Variants in PTPRN2 observed in about 807,000 individuals in gnomAD.
PTPRN2 encodes the protein receptor-type tyrosine-protein phosphatase N2.
PTPRN2 carries 74 observed loss-of-function variants against 118.8 expected under a neutral mutation model. The ratio of observed to expected loss-of-function variants is 0.62; its 90% CI spans 0.52 to 0.76. The LOEUF is 0.76. PTPRN2 is among the 30% of genes least tolerant of loss of function. The probability of loss-of-function intolerance (pLI) is 0.00; values close to 1 mark genes in which losing one functional copy is unlikely to be tolerated. For missense variants in PTPRN2, 1,481 were observed against 1,394.4 expected, an observed-to-expected ratio of 1.06 and a Z score of -0.99; for synonymous variants, 641 against 608.0, an observed-to-expected ratio of 1.05 and a Z score of -0.80.
chr7:157,553,960 TACGGCCAGGCCGGGCGCCGG>T (rs1179931035), intron 21 of PTPRN2, among the ~76,000 whole-genome samples: 14 of 150,836 alleles, frequency 9.3e-5, no homozygotes, highest in African/African-American at 2.9e-4. Context: ...TGAGCATGGG[TACGGCCAGGCCGGGCGCCGG>T]ATCCTGCCCG....
intron 1 of PTPRN2, among the ~76,000 whole-genome samples, chr7:158,510,877 CAT>C (rs1345004309): frequency 6.6e-6 from 1 of 152,232 alleles, no homozygotes; most frequent in Non-Finnish European, 1.5e-5. Flanking sequence ...TGGGAAACGA[CAT>C]GTGTCGAGTT....
rs1163780587 is a variant in PTPRN2, at chr7:158,517,208, C to T, written c.113-27423G>A. 1.3e-5 allele frequency among the ~76,000 whole-genome samples: 2 copies of T among 152,218 alleles called. No individual in the cohort carries two copies. Among genetic ancestry groups the T allele is most frequent in the African/African-American group, 4.8e-5 (2 of 41,458 alleles). On this transcript the variant is annotated intron_variant, in intron 1 of 22. Coordinates refer to ENST00000389418, the MANE Select transcript of PTPRN2 (RefSeq NM_002847.5). This position sits in a 1 kb window ranked among gnomAD's most constrained non-coding sequence, Gnocchi z 5.3. ...GGGTGGCATTGACCCCCATTCCTGT[C>T]CCACAGTTGAGGGCTGCCCCACAGG...
rs77505544 is a variant in PTPRN2, at chr7:157,755,957, G to C, written c.1789-73020C>G. Among the ~76,000 whole-genome samples, 1,497 of 152,352 alleles carry C rather than the reference G, an allele frequency of 9.8e-3. 20 individuals are homozygous for C. Among genetic ancestry groups the C allele is most frequent in the African/African-American group, 0.035 (1,435 of 41,588 alleles). ...TTCCCACGGCAGCGTCCAGCACCCA[G>C]GTTCCCAGCCAGGGCTGGGCGGGGC... is the stretch of plus-strand genomic sequence containing the variant. On this transcript the variant is annotated intron_variant, in intron 12 of 22. Coordinates refer to ENST00000389418, the MANE Select transcript of PTPRN2 (RefSeq NM_002847.5).
At chr7:158,188,576 G>C (rs1312911640) in intron 5 of PTPRN2, among the ~76,000 whole-genome samples, 6 of 114,256 alleles carry the variant, frequency 5.3e-5, no homozygotes, top group South Asian at 3.1e-4. Context: ...TATGGGGAAG[G>C]CCGCCACGCT....
At chr7:157,613,122 C>T (rs1476016409) in intron 15 of PTPRN2, among the ~76,000 whole-genome samples, 2 of 152,144 alleles carry the variant, frequency 1.3e-5, no homozygotes, top group South Asian at 2.1e-4. Context: ...GGCCCGGCCC[C>T]GTCTCCAGTC....
chr7:157,828,051 C>A (rs1807303959), intron 12 of PTPRN2, among the ~76,000 whole-genome samples: 1 of 152,188 alleles, frequency 6.6e-6, no homozygotes, highest in Admixed American at 6.5e-5. Flanking sequence ...GCCTTCACGG[C>A]CACGGAAGTA....
intron 10 of PTPRN2, among the ~76,000 whole-genome samples, chr7:158,105,509 G>C (rs903565725): frequency 6.7e-6 from 1 of 150,364 alleles, no homozygotes; most frequent in Non-Finnish European, 1.5e-5. Context: ...AGCTACAGCA[G>C]ATTCCATCCC....
intron 12 of PTPRN2, among the ~76,000 whole-genome samples, chr7:157,843,143 T>G (rs1294461824): frequency 6.6e-6 from 1 of 152,176 alleles, no homozygotes; most frequent in East Asian, 1.9e-4. Context: ...TTAAACTCTC[T>G]CTGTTTATTG....
chr7:157,549,453 T>C (rs1798486379), intron 21 of PTPRN2, among the ~76,000 whole-genome samples: 1 of 152,124 alleles, frequency 6.6e-6, no homozygotes, highest in South Asian at 2.1e-4. Flanking sequence ...TTTAGATTAA[T>C]GGACTCAACC....
rs193000715 is a variant in PTPRN2, at chr7:157,733,856, C to T, written c.1789-50919G>A. On this transcript the variant is annotated intron_variant, in intron 12 of 22. Transcript: ENST00000389418. ...AGCACAGTTACTCTTCCGTCCCATG[C>T]GCCCAGCACAGTTACTCTTTTCCGT... is the stretch of plus-strand genomic sequence containing the variant. 1.9e-4 allele frequency among the ~76,000 whole-genome samples: 9 copies of T among 46,632 alleles called. 2 individuals are homozygous for T. The highest frequency in any genetic ancestry group is 3.5e-4 in the Non-Finnish European group (8 of 23,048). 30.6% of individuals were successfully genotyped at this position (46,632 alleles called of 152,430 possible). A position where few individuals can be genotyped will look rare whatever the true frequency, so the allele number is the denominator to read the frequency against.
At position 157,780,879 on chromosome 7, in the gene PTPRN2, GTC is replaced by G. The variant is rs1030716311; in HGVS notation, c.1789-97944_1789-97943del. ...AGGACAGAATACTCACTAACCAAAG[GTC>G]GGTTTCACTTCTCTCCTCAGTGCAC... is the stretch of plus-strand genomic sequence containing the variant. On this transcript the variant is annotated intron_variant, in intron 12 of 22. Transcript: ENST00000389418. This position sits in a 1 kb window ranked among gnomAD's most constrained non-coding sequence, Gnocchi z 4.5. Among the ~76,000 whole-genome samples the G allele has an allele frequency of 5.9e-5, 9 of 152,150 alleles. No individual in the cohort carries two copies. Among genetic ancestry groups the G allele is most frequent in the African/African-American group, 2.2e-4 (9 of 41,442 alleles).
At chr7:158,103,718 C>A (rs1246255557) in intron 10 of PTPRN2, among the ~76,000 whole-genome samples, 1 of 152,188 alleles carries the variant, frequency 6.6e-6, no homozygotes, top group Admixed American at 6.5e-5. Context: ...TCAGTGCAGG[C>A]CCCCACTTGA....
intron 12 of PTPRN2, among the ~76,000 whole-genome samples, chr7:157,795,676 A>C (rs141567892): frequency 6.6e-6 from 1 of 152,356 alleles, no homozygotes; most frequent in East Asian, 1.9e-4. Flanking sequence ...CCAACCAAGG[A>C]ACTTCCGCCA....
At chr7:158,178,375 A>G (rs1824401624) in intron 5 of PTPRN2, among the ~76,000 whole-genome samples, 2 of 151,972 alleles carry the variant, frequency 1.3e-5, no homozygotes, top group Admixed American at 1.3e-4. Flanking sequence ...CTGAGTCTCC[A>G]AAGTCCATTA....
chr7:157,617,475 G>A lies in PTPRN2; in HGVS notation c.2344+3887C>T, dbSNP rs1802861967. 6.7e-6 allele frequency: 1 copy of A among 149,250 alleles called. No individual in the cohort carries two copies. Among genetic ancestry groups the A allele is most frequent in the Non-Finnish European group, 1.5e-5 (1 of 67,598 alleles). The allele number at this position is 149,250 out of a possible 1,614,324, so 9.2% of individuals were successfully genotyped here. A position where few individuals can be genotyped will look rare whatever the true frequency, so the allele number is the denominator to read the frequency against. On this transcript the variant is annotated intron_variant, in intron 15 of 22. Transcript: ENST00000389418. The surrounding 1 kb of genome is among the most constrained non-coding windows in gnomAD (Gnocchi z 7.5). ...CAGAGCACGGGCGACGCTGGCTCAC[G>A]ATGCCCCAGTGATGCTGTGGTTAGG...
chr7:158,299,336 TG>T (rs1800714450), intron 3 of PTPRN2, among the ~76,000 whole-genome samples: 1 of 151,736 alleles, frequency 6.6e-6, no homozygotes, highest in Admixed American at 6.6e-5. Flanking sequence ...CTCACTCTGT[TG>T]CCCAGGCTGG....
chr7:158,506,186 G>A (rs78059227), intron 1 of PTPRN2, among the ~76,000 whole-genome samples: 12 of 152,322 alleles, frequency 7.9e-5, no homozygotes, highest in African/African-American at 1.4e-4. Flanking sequence ...AGGCTTCGGC[G>A]TCGGACAACC....
chr7:157,963,668 G>T lies in PTPRN2; in HGVS notation c.1724-64931C>A, dbSNP rs1473887375. On this transcript the variant is annotated intron_variant, in intron 11 of 22. Transcript: ENST00000389418. The stretch of plus-strand genomic sequence containing the variant: ...GCCTGGGAGAGAAGTCTGCAGGGGG[G>T]AGATCTGTGGTCATGCCCTCACCCC... 2.0e-5 allele frequency among the ~76,000 whole-genome samples: 3 copies of T among 152,208 alleles called. 1 individual carries two copies. The East Asian group carries it at 5.8e-4, about 29-fold the overall frequency.
intron 2 of PTPRN2, among the ~76,000 whole-genome samples, chr7:158,344,311 C>T (rs1358695088): frequency 2.0e-5 from 3 of 152,134 alleles, no homozygotes; most frequent in African/African-American, 7.2e-5. Context: ...TAACTAGAAG[C>T]AATATGGGAT....
Sources: allele counts gnomAD v4.1 joint callset (sites outside exome capture counted in the v4.1 genomes callset), GRCh38; gene constraint gnomAD v4.1.1; non-coding constraint Gnocchi (gnomAD v3.1); transcripts MANE v1.5; gene names NCBI Gene and HGNC (gene_info 2026-07-23, HGNC 2026-07-21).